Variants in ZNF146 observed in about 807,000 individuals in gnomAD.
ZNF146 encodes zinc finger protein OZF.
Under a neutral mutation model 22.2 loss-of-function variants are expected in ZNF146, and 9 were observed. The ratio of observed to expected loss-of-function variants is 0.41; its 90% CI spans 0.24 to 0.71. ZNF146 has a LOEUF of 0.71. ZNF146 is among the 30% of genes least tolerant of loss of function. ZNF146 has a pLI of 0.34. For synonymous variants in ZNF146, 108 were observed against 119.2 expected, an observed-to-expected ratio of 0.91 and a Z score of 0.61; for missense variants, 194 against 344.8, an observed-to-expected ratio of 0.56 and a Z score of 3.46.
intron 3 of ZNF146, among the ~76,000 whole-genome samples, chr19:36,233,609 A>AAGGT (rs748642998): frequency 7.2e-5 from 11 of 152,108 alleles, no homozygotes; most frequent in Non-Finnish European, 1.3e-4. Context: ...TAGTGGAGAG[A>AAGGT]AGGTCAGCAG....
At chr19:36,234,688 C>G (rs368625193) in intron 3 of ZNF146, among the ~76,000 whole-genome samples, 101 of 152,300 alleles carry the variant, frequency 6.6e-4, no homozygotes, top group Non-Finnish European at 1.0e-3. Flanking sequence ...TGAGCCACTG[C>G]GCCCGGCCAG....
chr19:36,226,721 T>A lies in ZNF146; in HGVS notation c.-854-2027T>A, dbSNP rs570310396. 2.1e-4 allele frequency among the ~76,000 whole-genome samples: 32 copies of A among 152,336 alleles called. No homozygotes were observed. In the South Asian group the frequency reaches 6.4e-3, roughly 31 times the overall value. On this transcript the variant is annotated intron_variant, in intron 2 of 3. Coordinates refer to ENST00000443387, the MANE Select transcript of ZNF146 (RefSeq NM_007145.3). The stretch of plus-strand genomic sequence containing the variant: ...ATCGGGAAGTTTAACATTGATACAT[T>A]AGTATTATTTAATCCAAAGTCCATA...
chr19:36,221,265 T>C (rs943275638), intron 2 of ZNF146, among the ~76,000 whole-genome samples: 1 of 151,998 alleles, frequency 6.6e-6, no homozygotes, highest in African/African-American at 2.4e-5. Flanking sequence ...TCATTTGTTG[T>C]TTTCAGGTTA....
chr19:36,230,728 C>T (rs1977309374), intron 3 of ZNF146, among the ~76,000 whole-genome samples: 2 of 152,202 alleles, frequency 1.3e-5, no homozygotes, highest in Non-Finnish European at 2.9e-5. Flanking sequence ...GGTTAGGTAA[C>T]AGGTCAAATC....
intron 2 of ZNF146, among the ~76,000 whole-genome samples, chr19:36,218,843 T>G (rs189288303): frequency 1.5e-5 from 2 of 132,634 alleles, no homozygotes; most frequent in Non-Finnish European, 3.3e-5. Flanking sequence ...GAGTCTCGGT[T>G]TGTCGCCCAG....
intron 3 of ZNF146, among the ~76,000 whole-genome samples, chr19:36,234,989 A>C (rs1977584503): frequency 6.6e-6 from 1 of 151,838 alleles, no homozygotes; most frequent in East Asian, 1.9e-4. Context: ...TCTCCTTATA[A>C]TTTTAATGGG....
intron 2 of ZNF146, among the ~76,000 whole-genome samples, chr19:36,223,342 CAA>C (rs375158030): frequency 1.5e-5 from 2 of 131,730 alleles, no homozygotes; most frequent in Admixed American, 7.7e-5. Context: ...GACTCCGTCT[CAA>C]AAAAAAAAAA....
At chr19:36,216,008 G>C (rs182862232) in intron 1 of ZNF146, among the ~76,000 whole-genome samples, 291 of 152,240 alleles carry the variant, frequency 1.9e-3, no homozygotes, top group Non-Finnish European at 3.7e-3. Flanking sequence ...TGCTACTGAC[G>C]TCTCCAAAGA....
intron 2 of ZNF146, among the ~76,000 whole-genome samples, chr19:36,221,320 ACT>A (rs1283855617): frequency 8.6e-6 from 1 of 115,692 alleles, no homozygotes; most frequent in Non-Finnish European, 1.6e-5. Flanking sequence ...ACGGAGTCTC[ACT>A]CTGTCCCCTA....
intron 2 of ZNF146, among the ~76,000 whole-genome samples, chr19:36,225,336 A>C (rs1977019991): frequency 6.6e-6 from 1 of 152,172 alleles, no homozygotes. Flanking sequence ...TAAGATGTCT[A>C]TTCCTATTCT....
chr19:36,221,930 T>TC (rs1000970984), intron 2 of ZNF146, among the ~76,000 whole-genome samples: 9 of 76,370 alleles, frequency 1.2e-4, no homozygotes, highest in Non-Finnish European at 2.1e-4. Context: ...TTTCTTTCTT[T>TC]TTTTTTTTTT....
rs1977716460 is a variant in ZNF146 at position 36,238,259 on chromosome 19, T to G, written c.*940T>G. 6.0e-6 allele frequency: 1 copy of G among 167,110 alleles called. No individual in the cohort carries two copies. Among genetic ancestry groups the G allele is most frequent in the Non-Finnish European group, 1.5e-5 (1 of 68,126 alleles). The allele number at this position is 167,110 out of a possible 1,614,324, so 10.4% of individuals were successfully genotyped here. On this transcript the variant is annotated 3_prime_UTR_variant, in exon 4 of 4. Transcript: ENST00000443387. ...CAATGACTTTTTTGTAAATTTGAAT[T>G]AAAAGTTTCCTCATAAAACTCAGTA...
At chr19:36,232,627 G>A (rs953653007) in intron 3 of ZNF146, among the ~76,000 whole-genome samples, 9 of 127,066 alleles carry the variant, frequency 7.1e-5, no homozygotes, top group Non-Finnish European at 9.9e-5. Flanking sequence ...TTTTTTTCCC[G>A]AGACATAGTC....
Position 36,237,490 on chromosome 19 carries a change from A to G in ZNF146, c.*171A>G, listed in dbSNP as rs771379283. 4 of 730,520 alleles carry G rather than the reference A, an allele frequency of 5.5e-6. No homozygotes were observed. The highest frequency in any genetic ancestry group is 8.6e-6 in the Non-Finnish European group (4 of 465,362). The allele number at this position is 730,520 out of a possible 1,614,324, so 45.3% of individuals were successfully genotyped here. The stretch of plus-strand genomic sequence containing the variant: ...TTGTACTGAAGAGAAAGACATGCAT[A>G]TGATTAAAACCCTGTGTCCAACAGA... On this transcript the variant is annotated 3_prime_UTR_variant, in exon 4 of 4. Transcript: ENST00000443387.
intron 3 of ZNF146, among the ~76,000 whole-genome samples, chr19:36,230,404 T>TA (rs1177449597): frequency 1.3e-5 from 2 of 152,078 alleles, no homozygotes; most frequent in African/African-American, 4.8e-5. Context: ...AGTAAATACT[T>TA]AAAAAATGTA....
At chr19:36,218,657 G>C (rs761563961) in intron 2 of ZNF146, among the ~76,000 whole-genome samples, 3 of 151,934 alleles carry the variant, frequency 2.0e-5, no homozygotes, top group Non-Finnish European at 4.4e-5. Flanking sequence ...TTTTAGTAGA[G>C]ATGGGGTTTC....
intron 3 of ZNF146, among the ~76,000 whole-genome samples, chr19:36,233,216 C>G (rs559059987): frequency 2.0e-5 from 3 of 152,184 alleles, no homozygotes; most frequent in Admixed American, 2.0e-4. Context: ...AATCCTGTCT[C>G]TACTAAAAAT....
rs532671039 is a variant in ZNF146, at chr19:36,237,218, A to G, written c.778A>G (p.Arg260Gly). 2.5e-6 allele frequency: 4 copies of G among 1,614,152 alleles called. No individual in the cohort carries two copies. The change falls in exon 4 of 4, where the codon AGA becomes GGA. Residue 260 changes from arginine (R) to glycine (G), a missense_variant. This residue lies in a region of ZNF146 where 147 missense variants were observed against 300.1 expected (regional missense o/e 0.49). Transcript: ENST00000443387. ...SQFSTLALHL[R>G]IHTGKKPYQC... ...GTTCTCAACCCTTGCTCTGCATTTG[A>G]GAATACACACAGGTAAGAAGCCTTA...
intron 1 of ZNF146, among the ~76,000 whole-genome samples, chr19:36,216,488 T>C (rs941802568): frequency 1.3e-5 from 2 of 151,456 alleles, no homozygotes; most frequent in Admixed American, 6.6e-5. Context: ...TAAAAAAAAA[T>C]AAAATAAAAA....
Sources: allele counts gnomAD v4.1 joint callset (sites outside exome capture counted in the v4.1 genomes callset), GRCh38; gene constraint gnomAD v4.1.1; regional missense constraint gnomAD v4.1.1; transcripts MANE v1.5; gene names NCBI Gene and HGNC (gene_info 2026-07-23, HGNC 2026-07-21).